The following FERMT2 variants were observed in gnomAD, a reference collection of about 807,000 sequenced individuals.
FERMT2 encodes the protein FERM domain containing kindlin 2, also known as fermitin family homolog 2.
Under a neutral mutation model 82.7 loss-of-function variants are expected in FERMT2, and 15 were observed. The observed-to-expected ratio is 0.18, with a 90% CI of 0.12 to 0.28. FERMT2 has a LOEUF of 0.28. Among genes scored for constraint, FERMT2 ranks in the 10% least tolerant of loss-of-function variants. The pLI is 1.00. For missense variants in FERMT2, 645 were observed against 809.4 expected, an observed-to-expected ratio of 0.80 and a Z score of 2.46; for synonymous variants, 274 against 271.5, an observed-to-expected ratio of 1.01 and a Z score of -0.09.
chr14:52,860,549 A>G, intron 12 of FERMT2, 84 bp from the exon 13 acceptor site: 1 of 1,224,840 alleles, frequency 8.2e-7, no homozygotes. Flanking sequence ...AGATTGAATT[A>G]CGCACCCCGT....
intron 2 of FERMT2, among the ~76,000 whole-genome samples, chr14:52,924,184 G>C (rs1889121211): frequency 6.6e-6 from 1 of 152,190 alleles, no homozygotes; most frequent in South Asian, 2.1e-4. Context: ...ACCATTGAGG[G>C]AGACCAAGGT....
intron 3 of FERMT2, among the ~76,000 whole-genome samples, chr14:52,912,292 C>T (rs1888362658): frequency 6.6e-6 from 1 of 152,114 alleles, no homozygotes; most frequent in African/African-American, 2.4e-5. Flanking sequence ...TTGGAGTATT[C>T]TCTAATATAT....
intron 2 of FERMT2, among the ~76,000 whole-genome samples, chr14:52,926,411 AACACACACACAC>A (rs34726532): frequency 0.1 from 15,235 of 146,776 alleles, 917 homozygotes; most frequent in Middle Eastern, 0.18. Flanking sequence ...GACCAAGTGC[AACACACACACAC>A]ACACACACAC....
intron 2 of FERMT2, among the ~76,000 whole-genome samples, chr14:52,942,942 G>A (rs918987212): frequency 3.3e-5 from 5 of 152,148 alleles, no homozygotes; most frequent in Admixed American, 6.5e-5. Context: ...GCCAGGCGTG[G>A]TGGCTGATGC....
intron 12 of FERMT2, 145 bp from the exon 13 acceptor site, chr14:52,860,610 T>C: frequency 1.5e-6 from 1 of 679,192 alleles, no homozygotes; most frequent in East Asian, 2.8e-5. Context: ...GAAGCTACAT[T>C]TGGACACTGT....
At chr14:52,859,854 G>A (rs1308493422) in intron 13 of FERMT2, 140 bp from the exon 14 acceptor site, 1 of 460,846 alleles carries the variant, frequency 2.2e-6, no homozygotes, top group African/African-American at 2.1e-5. Flanking sequence ...GTCTTGCTCT[G>A]TTGCCCAGGC....
At chr14:52,935,539 C>A (rs1889797907) in intron 2 of FERMT2, among the ~76,000 whole-genome samples, 1 of 152,152 alleles carries the variant, frequency 6.6e-6, no homozygotes, top group Non-Finnish European at 1.5e-5. Flanking sequence ...CCTATCTCTC[C>A]TTCTTTCCCT....
At chr14:52,904,243 G>A (rs148627255) in intron 3 of FERMT2, among the ~76,000 whole-genome samples, 369 of 151,894 alleles carry the variant, frequency 2.4e-3, no homozygotes, top group African/African-American at 8.4e-3. Flanking sequence ...TAAGCTGGGC[G>A]CAGTGGCTCA....
At chr14:52,909,084 T>C (rs1398800812) in intron 3 of FERMT2, among the ~76,000 whole-genome samples, 1 of 152,058 alleles carries the variant, frequency 6.6e-6, no homozygotes. Flanking sequence ...TGAGGGGGGC[T>C]TCTGGGATGT....
chr14:52,944,345 T>C (rs1018476038), intron 2 of FERMT2, among the ~76,000 whole-genome samples: 10 of 152,226 alleles, frequency 6.6e-5, no homozygotes, highest in African/African-American at 1.9e-4. Flanking sequence ...GGATGCATCA[T>C]GTAGGCATTA....
chr14:52,917,487 ATT>A (rs1888679209), intron 3 of FERMT2, among the ~76,000 whole-genome samples: 1 of 152,160 alleles, frequency 6.6e-6, no homozygotes, highest in African/African-American at 2.4e-5. Flanking sequence ...GGAATTTGGT[ATT>A]CTTTGTATTT....
At chr14:52,930,714 A>G (rs1889527489) in intron 2 of FERMT2, among the ~76,000 whole-genome samples, 1 of 152,196 alleles carries the variant, frequency 6.6e-6, no homozygotes. Context: ...CTAAACGATG[A>G]CAATAGAAGA....
chr14:52,884,417 C>G (rs535603818), intron 4 of FERMT2, among the ~76,000 whole-genome samples: 1 of 152,050 alleles, frequency 6.6e-6, no homozygotes. Context: ...GCCTGGCCAA[C>G]ATGGTGAAAC....
chr14:52,913,557 CA>C (rs1888444945), intron 3 of FERMT2, among the ~76,000 whole-genome samples: 1 of 152,118 alleles, frequency 6.6e-6, no homozygotes, highest in Admixed American at 6.6e-5. Context: ...GGTTGGGAAA[CA>C]ACTATCTGGA....
intron 3 of FERMT2, among the ~76,000 whole-genome samples, chr14:52,902,101 AAC>A (rs1887685806): frequency 6.6e-6 from 1 of 151,724 alleles, no homozygotes; most frequent in African/African-American, 2.4e-5. Context: ...TAATATAAAA[AAC>A]AATGAGAGGC....
rs1436601340 is a variant in FERMT2, at chr14:52,950,501, T to A, written c.68A>T (p.His23Leu). ...YADGTWELSV[H>L]VTDLNRDVTL... is the part of the protein sequence containing the mutation. Reference sequence around the variant, plus strand: ...GACATCGCGGTTCAGGTCCGTCACATGGACACTCAGTTCCCACGTCCCGTC... The same window carrying A: ...GACATCGCGGTTCAGGTCCGTCACAAGGACACTCAGTTCCCACGTCCCGTC... The change falls in exon 2 of 15, where the codon CAT (histidine) becomes CTT (leucine). Residue 23 changes from histidine to leucine, a missense_variant. Physicochemically the swap from His to Leu is moderately conservative, Grantham distance 99. Coordinates refer to ENST00000341590, the MANE Select transcript of FERMT2 (RefSeq NM_006832.3). The A allele has an allele frequency of 2.5e-6, 4 of 1,614,120 alleles. No individual in the cohort carries two copies. Among genetic ancestry groups the A allele is most frequent in the Admixed American group, 1.7e-5 (1 of 60,024 alleles).
At chr14:52,946,511 G>C (rs1274729361) in intron 2 of FERMT2, among the ~76,000 whole-genome samples, 4 of 152,204 alleles carry the variant, frequency 2.6e-5, no homozygotes, top group Non-Finnish European at 5.9e-5. Flanking sequence ...AAGTCAGCAA[G>C]ATGTGGTGGT....
Position 52,946,536 on chromosome 14 carries a change from C to G in FERMT2, c.157+3876G>C, listed in dbSNP as rs576352147. ...GATGTGGTGGTGCGTGCCTGTAGTTCCAGCTACTCAGGAAGCTAAGGCAAG... is the reference window on the plus strand; with the variant it reads ...GATGTGGTGGTGCGTGCCTGTAGTTGCAGCTACTCAGGAAGCTAAGGCAAG... On this transcript the variant is annotated intron_variant, in intron 2 of 14. Transcript: ENST00000341590. Among the ~76,000 whole-genome samples, 11 of 152,172 alleles carry G rather than the reference C, an allele frequency of 7.2e-5. No individual in the cohort carries two copies. The East Asian group carries it at 1.7e-3, about 24-fold the overall frequency.
intron 2 of FERMT2, among the ~76,000 whole-genome samples, chr14:52,943,667 T>C (rs1170389472): frequency 6.6e-6 from 1 of 152,210 alleles, no homozygotes; most frequent in Admixed American, 6.5e-5. Flanking sequence ...TCAAAGGTTA[T>C]GAGTAAGTCT....
Sources: allele counts gnomAD v4.1 joint callset (sites outside exome capture counted in the v4.1 genomes callset), GRCh38; gene constraint gnomAD v4.1.1; transcripts MANE v1.5; gene names NCBI Gene and HGNC (gene_info 2026-07-23, HGNC 2026-07-21).